The following TUB variants were observed in gnomAD, a reference collection of about 807,000 sequenced individuals.
TUB encodes tubby protein homolog.
TUB carries 33 observed loss-of-function variants against 59.7 expected under a neutral mutation model. The observed-to-expected ratio is 0.55, with a 90% CI of 0.42 to 0.74. The LOEUF (loss-of-function observed/expected upper bound fraction) is 0.74, where lower values mean the gene tolerates loss of function less well. Ranked by LOEUF, TUB falls within the 30% of genes least tolerant of loss-of-function variation. TUB has a pLI of 0.00. For synonymous variants in TUB, 293 were observed against 256.4 expected (o/e 1.14, Z -1.36); for missense variants, 659 against 672.0 (o/e 0.98, Z 0.21).
At position 8,081,556 on chromosome 11, in the gene TUB, G is replaced by A. The variant is rs1943564340; in HGVS notation, c.38+8G>A. 4.5e-6 allele frequency: 7 copies of A among 1,543,058 alleles called. No homozygotes were observed. The highest frequency in any genetic ancestry group is 1.4e-5 in the African/African-American group (1 of 70,366). ...CGACTGGATTCCCTACAGGTACGCGGGCGCCGGGCCGGGGCGCCCACCACT... is the reference window on the plus strand; with the variant it reads ...CGACTGGATTCCCTACAGGTACGCGAGCGCCGGGCCGGGGCGCCCACCACT... On this transcript the variant is annotated splice_region_variant and intron_variant, in intron 1 of 11. Transcript: ENST00000299506.
At chr11:8,053,653 A>G (rs1942968069) in intron 2 of TUB, among the ~76,000 whole-genome samples, 1 of 151,124 alleles carries the variant, frequency 6.6e-6, no homozygotes, top group Non-Finnish European at 1.5e-5. Context: ...GGCGCCCGCC[A>G]CGACGCCCGG....
intron 2 of TUB, among the ~76,000 whole-genome samples, chr11:8,040,596 T>G (rs978787172): frequency 1.1e-4 from 16 of 152,268 alleles, no homozygotes; most frequent in Admixed American, 1.0e-3. Flanking sequence ...TTTTTACACA[T>G]GGCCTCAAAC....
chr11:8,058,266 G>T (rs200924229), intron 2 of TUB, among the ~76,000 whole-genome samples: 92 of 149,860 alleles, frequency 6.1e-4, no homozygotes, highest in East Asian at 3.5e-3. Context: ...CATTAAACAA[G>T]TTATGTTTAC....
intron 2 of TUB, among the ~76,000 whole-genome samples, chr11:8,041,003 T>C (rs1242711373): frequency 2.0e-5 from 3 of 152,174 alleles, no homozygotes; most frequent in Non-Finnish European, 4.4e-5. Context: ...CTGCTCAGGG[T>C]TCTTTCTCTG....
intron 6 of TUB, 80 bp downstream of exon 6, chr11:8,096,886 G>T (rs1262237912): frequency 2.0e-6 from 3 of 1,517,082 alleles, no homozygotes; most frequent in Non-Finnish European, 2.7e-6. Flanking sequence ...TGAAGAGATG[G>T]ACTCGTATGC....
chr11:8,027,333 A>C (rs1328581749), intron 1 of TUB, among the ~76,000 whole-genome samples: 1 of 152,096 alleles, frequency 6.6e-6, no homozygotes. Context: ...TAAATTGCCT[A>C]TTTTAGATAT....
At chr11:8,098,039 T>G (rs1944080532) in intron 8 of TUB, among the ~76,000 whole-genome samples, 1 of 152,144 alleles carries the variant, frequency 6.6e-6, no homozygotes, top group Non-Finnish European at 1.5e-5. Context: ...GACCCCAAGC[T>G]GTTCCCAGGA....
At chr11:8,046,705 C>T (rs936130977) in intron 2 of TUB, among the ~76,000 whole-genome samples, 5 of 151,994 alleles carry the variant, frequency 3.3e-5, no homozygotes, top group Non-Finnish European at 7.4e-5. Flanking sequence ...TGCCTCCAGC[C>T]TATCTTACTC....
intron 2 of TUB, among the ~76,000 whole-genome samples, chr11:8,057,035 G>A (rs1436555515): frequency 1.3e-5 from 2 of 152,148 alleles, no homozygotes; most frequent in Non-Finnish European, 2.9e-5. Flanking sequence ...AGCAGGGTCT[G>A]TTAGACTCTC....
In TUB at chr11:8,081,504, G is replaced by A. The variant is rs1478472808; in HGVS notation, c.-7G>A. On this transcript the variant is annotated 5_prime_UTR_variant, in exon 1 of 12. Coordinates refer to ENST00000299506, the MANE Select transcript of TUB (RefSeq NM_177972.3). Reference sequence around the variant, plus strand: ...GAGCCGCAGCCACCGCCCCGCCCCCGAGAGACATGACTTCCAAGCCGCATT... The same window carrying A: ...GAGCCGCAGCCACCGCCCCGCCCCCAAGAGACATGACTTCCAAGCCGCATT... 2 of 1,536,968 alleles carry A rather than the reference G, an allele frequency of 1.3e-6. No homozygotes were observed. Among genetic ancestry groups the A allele is most frequent in the Non-Finnish European group, 1.7e-6 (2 of 1,148,690 alleles).
chr11:8,073,891 T>C (rs1943400689), intron 2 of TUB, among the ~76,000 whole-genome samples: 1 of 28,398 alleles, frequency 3.5e-5, no homozygotes, highest in African/African-American at 7.3e-5. Context: ...TCAGAATAGG[T>C]AAAGAGCAGG....
intron 2 of TUB, among the ~76,000 whole-genome samples, chr11:8,065,071 C>T (rs896786563): frequency 6.6e-6 from 1 of 152,220 alleles, no homozygotes; most frequent in Non-Finnish European, 1.5e-5. Flanking sequence ...AAGGCCCAGC[C>T]TCTTGGAGGA....
intron 2 of TUB, among the ~76,000 whole-genome samples, chr11:8,057,396 A>C (rs1943037354): frequency 6.6e-6 from 1 of 152,194 alleles, no homozygotes; most frequent in Non-Finnish European, 1.5e-5. Context: ...GTAACCGGTC[A>C]CAGGGAGAAG....
At chr11:8,049,578 T>TATATATATAGATATATAGATAG (rs1055522231) in intron 2 of TUB, among the ~76,000 whole-genome samples, 1 of 85,916 alleles carries the variant, frequency 1.2e-5, no homozygotes, top group Non-Finnish European at 2.9e-5. Flanking sequence ...TATATATATA[T>TATATATATAGATATATAGATAG]ATAGATAGAT....
upstream of TUB, among the ~76,000 whole-genome samples, chr11:8,080,680 C>T (rs192604224): frequency 6.6e-6 from 1 of 152,204 alleles, no homozygotes; most frequent in Admixed American, 6.5e-5. Context: ...AAATGTTCCC[C>T]TTCCCTTGAC....
At chr11:8,033,705 G>T (rs1331047755), upstream of TUB, among the ~76,000 whole-genome samples, 6 of 152,252 alleles carry the variant, frequency 3.9e-5, no homozygotes, top group African/African-American at 1.4e-4. Context: ...GTTTGGTGGG[G>T]TGTAATGTGT....
intron 2 of TUB, among the ~76,000 whole-genome samples, chr11:8,052,620 C>A (rs963755898): frequency 1.3e-5 from 2 of 151,996 alleles, no homozygotes; most frequent in African/African-American, 4.8e-5. Flanking sequence ...CAGGTGCCCA[C>A]CACCACGCCC....
intron 2 of TUB, among the ~76,000 whole-genome samples, chr11:8,059,846 C>G (rs1943088516): frequency 6.6e-6 from 1 of 152,130 alleles, no homozygotes; most frequent in Non-Finnish European, 1.5e-5. Context: ...GTTCCTGGAG[C>G]AGGCAGAACT....
chr11:8,062,831 A>G (rs1035875744), intron 2 of TUB, among the ~76,000 whole-genome samples: 3 of 151,724 alleles, frequency 2.0e-5, no homozygotes, highest in Non-Finnish European at 4.4e-5. Context: ...GCGGACACCT[A>G]CCCGGGGCCA....
Sources: gnomAD v4.1 joint callset for allele counts (sites outside exome capture counted in the v4.1 genomes callset) on GRCh38, gnomAD v4.1.1 for gene constraint, MANE v1.5 for transcripts, NCBI Gene and HGNC (gene_info 2026-07-23, HGNC 2026-07-21) for gene names.